CNTN3: variants seen among roughly 807,000 people sequenced by gnomAD.
The protein encoded by CNTN3 is contactin 3.
In CNTN3, 60 loss-of-function variants were observed where a neutral mutation model predicts 119.1. That is an observed-to-expected ratio of 0.50 (90% CI 0.41 to 0.62). The LOEUF (loss-of-function observed/expected upper bound fraction) is 0.62. Among genes scored for constraint, CNTN3 ranks in the 20% least tolerant of loss-of-function variants. CNTN3 has a pLI of 0.00. For synonymous variants in CNTN3, 450 were observed against 438.7 expected (o/e 1.03, Z -0.32); for missense variants, 1,101 against 1,242.4 (o/e 0.89, Z 1.71).
chr3:74,514,409 C>G (rs1158661426), intron 2 of CNTN3, among the ~76,000 whole-genome samples: 1 of 152,038 alleles, frequency 6.6e-6, no homozygotes, highest in East Asian at 1.9e-4. Flanking sequence ...GTTTTTGTAG[C>G]CATTATTAGT....
At chr3:74,569,582 G>A (rs1704278467) in intron 1 of CNTN3, among the ~76,000 whole-genome samples, 1 of 152,162 alleles carries the variant, frequency 6.6e-6, no homozygotes, top group African/African-American at 2.4e-5. Context: ...ATAAAGAAAA[G>A]TATCTTAAAT....
At chr3:74,605,087 A>G (rs1704968853) in intron 1 of CNTN3, among the ~76,000 whole-genome samples, 1 of 152,138 alleles carries the variant, frequency 6.6e-6, no homozygotes, top group African/African-American at 2.4e-5. Context: ...TATGGAATCT[A>G]AAAAAGTTGA....
chr3:74,290,925 G>C (rs1002876737), intron 19 of CNTN3, among the ~76,000 whole-genome samples: 11 of 151,602 alleles, frequency 7.3e-5, no homozygotes, highest in African/African-American at 2.4e-4. Context: ...TATACTTTAA[G>C]TTCGAGGGTA....
intron 20 of CNTN3, among the ~76,000 whole-genome samples, chr3:74,268,181 C>T (rs980504034): frequency 2.0e-5 from 3 of 152,042 alleles, no homozygotes; most frequent in African/African-American, 7.2e-5. Context: ...TTTTCGTGAA[C>T]GCTGGACTGT....
chr3:74,299,133 A>G (rs916982512), intron 17 of CNTN3, among the ~76,000 whole-genome samples: 1 of 152,000 alleles, frequency 6.6e-6, no homozygotes, highest in Admixed American at 6.6e-5. Context: ...ACTTGAACCC[A>G]GGAGGTGGAG....
intron 20 of CNTN3, among the ~76,000 whole-genome samples, chr3:74,280,785 AGGACACAACGATGTCCTGG>A (rs1354522714): frequency 6.6e-6 from 1 of 152,228 alleles, no homozygotes; most frequent in Non-Finnish European, 1.5e-5. Flanking sequence ...CGGCTAAGGC[AGGACACAACGATGTCCTGG>A]GGACACAGTG....
At position 74,471,587 on chromosome 3, in the gene CNTN3, G is replaced by A. The variant is rs368085480; in HGVS notation, c.358+14869C>T. 4.6e-5 allele frequency among the ~76,000 whole-genome samples: 7 copies of A among 152,240 alleles called. No homozygotes were observed. The East Asian group carries it at 1.2e-3, about 25-fold the overall frequency. On this transcript the variant is annotated intron_variant, in intron 4 of 22. Transcript: ENST00000263665. ...ATGCCACTGTTTATGGGCCTCTAAA[G>A]TGCTTGGAATATGATGGTTTACATA...
intron 4 of CNTN3, among the ~76,000 whole-genome samples, chr3:74,448,666 A>C (rs1264562917): frequency 6.6e-6 from 1 of 152,164 alleles, no homozygotes; most frequent in Non-Finnish European, 1.5e-5. Flanking sequence ...AGATAACAAA[A>C]TAACATACAC....
At chr3:74,314,170 GA>G (rs1702769898) in intron 13 of CNTN3, among the ~76,000 whole-genome samples, 1 of 151,930 alleles carries the variant, frequency 6.6e-6, no homozygotes, top group South Asian at 2.1e-4. Flanking sequence ...AACATGCTAT[GA>G]AATGAGAAAA....
At chr3:74,571,232 C>T (rs1022011338) in intron 1 of CNTN3, among the ~76,000 whole-genome samples, 2 of 152,114 alleles carry the variant, frequency 1.3e-5, no homozygotes, top group Admixed American at 1.3e-4. Flanking sequence ...TAAGCATCAC[C>T]GTACTGCAGA....
At chr3:74,268,277 T>C (rs1439540692) in intron 20 of CNTN3, among the ~76,000 whole-genome samples, 1 of 152,146 alleles carries the variant, frequency 6.6e-6, no homozygotes, top group Non-Finnish European at 1.5e-5. Flanking sequence ...GAAAAATCAG[T>C]TTCTTGTCAA....
chr3:74,421,653 C>T (rs1172160662), intron 5 of CNTN3, among the ~76,000 whole-genome samples: 1 of 152,044 alleles, frequency 6.6e-6, no homozygotes, highest in African/African-American at 2.4e-5. Context: ...GTGAATATAG[C>T]TAACACAAAG....
At chr3:74,595,670 G>A (rs1436227903) in intron 1 of CNTN3, among the ~76,000 whole-genome samples, 3 of 152,042 alleles carry the variant, frequency 2.0e-5, no homozygotes, top group Admixed American at 2.0e-4. Flanking sequence ...CAATAAATTA[G>A]GTATTGATGG....
rs564023902 is a variant in CNTN3, at chr3:74,429,007, A to G, written c.359-4067T>C. On this transcript the variant is annotated intron_variant, in intron 4 of 22. Transcript: ENST00000263665. ...ATACTATACAGCCTAGGTGTGTAGT[A>G]GGTTATACCATCTGGGTATAATAAG... Among the ~76,000 whole-genome samples, 19 of 152,312 alleles carry G rather than the reference A, an allele frequency of 1.2e-4. 1 individual carries two copies. The South Asian group carries it at 3.1e-3, about 25-fold the overall frequency.
chr3:74,597,217 A>T (rs903151804), intron 1 of CNTN3, among the ~76,000 whole-genome samples: 2 of 152,076 alleles, frequency 1.3e-5, no homozygotes, highest in African/African-American at 4.8e-5. Context: ...TAAAACAGAA[A>T]ATCATCTTTT....
chr3:74,436,246 A>C (rs955496515), intron 4 of CNTN3, among the ~76,000 whole-genome samples: 1 of 152,204 alleles, frequency 6.6e-6, no homozygotes, highest in Non-Finnish European at 1.5e-5. Context: ...TACCCCTCCT[A>C]TGTGAAAGAT....
chr3:74,362,418 A>T (rs574554501), intron 10 of CNTN3, among the ~76,000 whole-genome samples: 1 of 152,226 alleles, frequency 6.6e-6, no homozygotes, highest in African/African-American at 2.4e-5. Context: ...AGTGCCTAGC[A>T]TTCAACAAAG....
chr3:74,554,433 G>T (rs979119023), intron 1 of CNTN3, among the ~76,000 whole-genome samples: 1 of 152,024 alleles, frequency 6.6e-6, no homozygotes, highest in African/African-American at 2.4e-5. Context: ...GTTTAAAGTA[G>T]TTTTTTCCAA....
chr3:74,556,825 T>C (rs1704076424), intron 1 of CNTN3, among the ~76,000 whole-genome samples: 1 of 152,202 alleles, frequency 6.6e-6, no homozygotes, highest in Non-Finnish European at 1.5e-5. Context: ...TTTTAAAGTT[T>C]AGTTGTCTTA....
Sources: allele counts gnomAD v4.1 joint callset (sites outside exome capture counted in the v4.1 genomes callset), GRCh38; gene constraint gnomAD v4.1.1; transcripts MANE v1.5; gene names NCBI Gene and HGNC (gene_info 2026-07-23, HGNC 2026-07-21).